The following PXMP2 variants were observed in gnomAD, a reference collection of about 807,000 sequenced individuals.
PXMP2 encodes 22 kDa peroxisomal membrane protein.
In PXMP2, 13 loss-of-function variants were observed where a neutral mutation model predicts 20.2. The ratio of observed to expected loss-of-function variants is 0.64; its 90% CI spans 0.42 to 1.02. The LOEUF (loss-of-function observed/expected upper bound fraction) is 1.02. PXMP2 is among the 50% of genes least tolerant of loss of function. The pLI is 0.00. For missense variants in PXMP2, 284 were observed against 251.8 expected (o/e 1.13, Z -0.87); for synonymous variants, 113 against 111.2 (o/e 1.02, Z -0.10).
intron 1 of PXMP2, 200 bp downstream of exon 1, chr12:132,687,992 G>A (rs2043319712): frequency 2.5e-6 from 1 of 397,132 alleles, no homozygotes; most frequent in Non-Finnish European, 3.6e-6. Context: ...GAGGCGCCTT[G>A]CGGATCCCGC....
chr12:132,692,243 C>G (rs978236521), intron 2 of PXMP2, among the ~76,000 whole-genome samples: 3 of 148,846 alleles, frequency 2.0e-5, no homozygotes, highest in Non-Finnish European at 4.4e-5. Flanking sequence ...AGTTAGTGAG[C>G]TCCCTGAGCC....
At chr12:132,702,542 C>A (rs1038845862) in intron 4 of PXMP2, 13 of 319,320 alleles carry the variant, frequency 4.1e-5, no homozygotes, top group African/African-American at 2.9e-4. Context: ...CTGCAGGGGC[C>A]ACGTGCTTCC....
intron 2 of PXMP2, among the ~76,000 whole-genome samples, chr12:132,693,581 T>C (rs1174418785): frequency 3.6e-5 from 3 of 83,476 alleles, no homozygotes; most frequent in African/African-American, 1.2e-4. Flanking sequence ...CCTTGCCAGT[T>C]AGTGAGCGCC....
Position 132,704,688 on chromosome 12 carries a change from C to A in PXMP2, c.*1C>A, listed in dbSNP as rs143659699. 1.9e-6 allele frequency: 3 copies of A among 1,567,018 alleles called. 1 individual carries two copies. On this transcript the variant is annotated 3_prime_UTR_variant, in exon 5 of 5. Coordinates refer to ENST00000317479, the MANE Select transcript of PXMP2 (RefSeq NM_018663.3). ...CTACCTGGCCTCCTTGGGGAAGTGA[C>A]GACCGCTGGGAGAACATCAGGTGCA...
chr12:132,687,987 G>A (rs913374746), intron 1 of PXMP2, 195 bp downstream of exon 1: 34 of 430,756 alleles, frequency 7.9e-5, no homozygotes, highest in African/African-American at 5.7e-4. Context: ...ATTGTGAGGC[G>A]CCTTGCGGAT....
chr12:132,699,511 A>T (rs1293293121), intron 3 of PXMP2, among the ~76,000 whole-genome samples: 1 of 148,144 alleles, frequency 6.8e-6, no homozygotes, highest in East Asian at 1.9e-4. Context: ...AATCGACGTC[A>T]CTGCAAAAGA....
intron 1 of PXMP2, chr12:132,688,204 G>C (rs2043328530): frequency 4.9e-6 from 1 of 202,886 alleles, no homozygotes; most frequent in African/African-American, 2.5e-5. Flanking sequence ...GCGGGGCGCG[G>C]GTGAAGACAG....
chr12:132,690,305 T>C lies in PXMP2; in HGVS notation c.165T>C (p.Ile55=), dbSNP rs1015404656. Residue 55 remains isoleucine (I), a synonymous_variant, in exon 2 of 5, where the codon ATT becomes ATC. Transcript: ENST00000317479. ...TTGGGAACTTCCTGGCCCAGATGATTGAGAAGAAGCGGAAAAAAGAAAACT... is the reference window on the plus strand; with the variant it reads ...TTGGGAACTTCCTGGCCCAGATGATCGAGAAGAAGCGGAAAAAAGAAAACT... The part of the protein sequence containing the change: ...SALGNFLAQM[I]EKKRKKENSR... 19 of 1,613,978 alleles carry C rather than the reference T, an allele frequency of 1.2e-5. No homozygotes were observed. In the African/African-American group the frequency reaches 2.4e-4, roughly 20 times the overall value.
intron 3 of PXMP2, among the ~76,000 whole-genome samples, chr12:132,697,957 C>T (rs1448413707): frequency 6.6e-6 from 1 of 151,950 alleles, no homozygotes; most frequent in Non-Finnish European, 1.5e-5. Context: ...CCTTCAAATC[C>T]TCACCATCTC....
intron 2 of PXMP2, among the ~76,000 whole-genome samples, chr12:132,691,904 A>G (rs1028621583): frequency 1.3e-5 from 2 of 152,246 alleles, no homozygotes; most frequent in Non-Finnish European, 2.9e-5. Context: ...TCCCAAACAC[A>G]CAGGGGAATG....
chr12:132,703,010 A>T (rs962786622), intron 4 of PXMP2, among the ~76,000 whole-genome samples: 1 of 152,206 alleles, frequency 6.6e-6, no homozygotes, highest in Non-Finnish European at 1.5e-5. Flanking sequence ...AAAGCAAAAT[A>T]AAAAAATTTC....
chr12:132,688,353 T>G (rs1182472382), intron 1 of PXMP2, among the ~76,000 whole-genome samples: 5 of 24,654 alleles, frequency 2.0e-4, no homozygotes, highest in Admixed American at 5.4e-4. Context: ...CGGGTCCTCA[T>G]GGAGCGTGTG....
In PXMP2 at chr12:132,701,225, A is replaced by C. The variant is rs377507198; in HGVS notation, c.400-25A>C. 3.4e-4 allele frequency: 552 copies of C among 1,613,186 alleles called. 2 individuals carry two copies. The African/African-American group carries it at 5.5e-3, about 16-fold the overall frequency. ...GTTCTGATGGGCAGTGAGACTGTTC[A>C]CCACCCGCCTTCCCTCCTTTGCAGG... is the stretch of plus-strand genomic sequence containing the variant. On this transcript the variant is annotated intron_variant, in intron 3 of 4. Transcript: ENST00000317479.
chr12:132,692,072 A>T (rs1242098954), intron 2 of PXMP2, among the ~76,000 whole-genome samples: 6 of 145,592 alleles, frequency 4.1e-5, no homozygotes, highest in Non-Finnish European at 6.1e-5. Flanking sequence ...TTAGGTAGTG[A>T]GCTCCCTGAG....
chr12:132,700,842 G>A (rs2043435115), intron 3 of PXMP2, among the ~76,000 whole-genome samples: 1 of 138,578 alleles, frequency 7.2e-6, no homozygotes, highest in South Asian at 2.3e-4. Context: ...TGAACTTACT[G>A]GAGTCCTTTT....
chr12:132,690,702 T>C (rs992001872), intron 2 of PXMP2, among the ~76,000 whole-genome samples: 1 of 152,014 alleles, frequency 6.6e-6, no homozygotes, highest in African/African-American at 2.4e-5. Flanking sequence ...CACACCGCCA[T>C]GCCCAGCTAA....
At position 132,687,746 on chromosome 12, in the gene PXMP2, C is replaced by T. The variant is rs11538534; in HGVS notation, c.76C>T (p.Leu26=). Residue 26 remains leucine, a synonymous_variant, in exon 1 of 5, where the codon CTG becomes TTG. Coordinates refer to ENST00000317479, the MANE Select transcript of PXMP2 (RefSeq NM_018663.3). ...ALPRRALAQY[L]LFLRLYPVLT... is the part of the protein sequence containing the mutation. ...GCCGCGGCGGGCGCTCGCCCAGTAC[C>T]TGCTCTTCCTGCGGCTCTACCCGGT... The T allele has an allele frequency of 0.54, 655,196 of 1,216,772 alleles. 180,893 individuals carry two copies. Among genetic ancestry groups the T allele is most frequent in the Non-Finnish European group, 0.57 (553,431 of 975,538 alleles). The allele number at this position is 1,216,772 out of a possible 1,614,324, so 75.4% of individuals were successfully genotyped here.
At position 132,687,776 on chromosome 12, in the gene PXMP2, AC is replaced by A; in HGVS notation, c.108del (p.Lys37ArgfsTer18). On this transcript the variant is annotated frameshift_variant, in exon 1 of 5. Transcript: ENST00000317479. LOFTEE classifies it high-confidence loss of function. ...CTTCCTGCGGCTCTACCCGGTGCTC[AC>A]CAAGGCGGCCACCAGGTGAGCGGGG... is the stretch of plus-strand genomic sequence containing the variant. ...LLFLRLYPVL[T>X]KAATSGILSA... is the part of the protein sequence containing the mutation. 1 of 1,175,250 alleles carries A rather than the reference AC, an allele frequency of 8.5e-7. No individual in the cohort carries two copies. Among genetic ancestry groups the A allele is most frequent in the Non-Finnish European group, 1.0e-6 (1 of 952,390 alleles). The allele number at this position is 1,175,250 out of a possible 1,614,324, so 72.8% of individuals were successfully genotyped here. A position where few individuals can be genotyped will look rare whatever the true frequency, so the allele number is the denominator to read the frequency against.
chr12:132,702,451 C>T, intron 4 of PXMP2: 1 of 397,548 alleles, frequency 2.5e-6, no homozygotes, highest in South Asian at 1.8e-5. Context: ...GGACCACTCC[C>T]ACACTGGGAG....
Sources: allele counts gnomAD v4.1 joint callset (sites outside exome capture counted in the v4.1 genomes callset), GRCh38; gene constraint gnomAD v4.1.1; transcripts MANE v1.5; gene names NCBI Gene and HGNC (gene_info 2026-07-23, HGNC 2026-07-21).